DCTN5: variants seen among roughly 807,000 people sequenced by gnomAD.
The protein encoded by DCTN5 is dynactin 4.
In DCTN5, 14 loss-of-function variants were observed where a neutral mutation model predicts 23.5. The observed-to-expected ratio is 0.60, with a 90% CI of 0.39 to 0.93. The LOEUF is 0.93. Among genes scored for constraint, DCTN5 ranks in the 40% least tolerant of loss-of-function variants. The pLI, the probability that DCTN5 is intolerant of heterozygous loss-of-function variation, is 0.00. For synonymous variants in DCTN5, 67 were observed against 79.6 expected (o/e 0.84, Z 0.84); for missense variants, 156 against 225.9 (o/e 0.69, Z 1.98).
intron 4 of DCTN5, among the ~76,000 whole-genome samples, chr16:23,665,332 TA>T (rs1967885929): frequency 6.6e-6 from 1 of 152,136 alleles, no homozygotes; most frequent in East Asian, 1.9e-4. Context: ...AAATGTCCAC[TA>T]AATCAAAGGG....
rs1967990446 is a variant in DCTN5 at position 23,670,683 on chromosome 16, C to G, written c.*3539C>G. 6.6e-6 allele frequency: 1 copy of G among 152,210 alleles called. No homozygotes were observed. Among genetic ancestry groups the G allele is most frequent in the Non-Finnish European group, 1.5e-5 (1 of 68,050 alleles). 9.4% of individuals were successfully genotyped at this position (152,210 alleles called of 1,614,324 possible). On this transcript the variant is annotated 3_prime_UTR_variant, in exon 6 of 6. Transcript: ENST00000300087. ...TGAAATGATACTGGCAGTGTTGGGA[C>G]AGCGTGTCCGAAGGCCTGGTTTTTT... is the stretch of plus-strand genomic sequence containing the variant.
In DCTN5 at chr16:23,675,493, A is replaced by G. The variant is rs1968072170; in HGVS notation, c.*8349A>G. 3 of 81,526 alleles carry G rather than the reference A, an allele frequency of 3.7e-5. No individual in the cohort carries two copies. The highest frequency in any genetic ancestry group is 1.5e-4 in the Admixed American group (1 of 6,778). 5.1% of individuals were successfully genotyped at this position (81,526 alleles called of 1,614,324 possible). A position where few individuals can be genotyped will look rare whatever the true frequency, so the allele number is the denominator to read the frequency against. ...CTAGCCTGGGCAACAGAGCCAGACC[A>G]TATCTCAAAAAAAAAAAAAAAAAAG... On this transcript the variant is annotated 3_prime_UTR_variant, in exon 6 of 6. Coordinates refer to ENST00000300087, the MANE Select transcript of DCTN5 (RefSeq NM_032486.4).
intron 4 of DCTN5, among the ~76,000 whole-genome samples, chr16:23,662,887 T>C (rs1239705358): frequency 6.6e-6 from 1 of 152,252 alleles, no homozygotes; most frequent in African/African-American, 2.4e-5. Flanking sequence ...CTATTCCCAG[T>C]GCTTAGGAAA....
rs1388165498 is a variant in DCTN5 at position 23,670,429 on chromosome 16, G to A, written c.*3285G>A. On this transcript the variant is annotated 3_prime_UTR_variant, in exon 6 of 6. Transcript: ENST00000300087. ...CATTGTTCATAGTTAACATATCCTT[G>A]GAAGTTTCTCAGCTATAAGGAAGAG... The A allele has an allele frequency of 1.3e-5, 2 of 152,122 alleles. No individual in the cohort carries two copies. Among genetic ancestry groups the A allele is most frequent in the Admixed American group, 6.5e-5 (1 of 15,270 alleles). The allele number at this position is 152,122 out of a possible 1,614,324, so 9.4% of individuals were successfully genotyped here.
chr16:23,661,338 C>G, intron 4 of DCTN5, 57 bp downstream of exon 4: 1 of 1,249,310 alleles, frequency 8.0e-7, no homozygotes, highest in South Asian at 1.3e-5. Context: ...GCTCCCATCC[C>G]TCACTTCGGT....
intron 5 of DCTN5, chr16:23,666,699 T>G (rs1054260202): frequency 5.0e-6 from 2 of 402,194 alleles, no homozygotes; most frequent in East Asian, 8.6e-5. Flanking sequence ...GTTTTTCCAA[T>G]TAAAAAATAA....
chr16:23,656,637 T>C (rs1967708710), intron 2 of DCTN5, among the ~76,000 whole-genome samples: 1 of 152,034 alleles, frequency 6.6e-6, no homozygotes, highest in South Asian at 2.1e-4. Context: ...CAGATTAATT[T>C]ACTTTTATTA....
intron 2 of DCTN5, among the ~76,000 whole-genome samples, chr16:23,648,086 T>C (rs962528934): frequency 5.3e-5 from 8 of 152,130 alleles, no homozygotes; most frequent in Non-Finnish European, 1.0e-4. Context: ...CTAAATAATA[T>C]ATATTGTTTA....
chr16:23,668,538 A>C lies in DCTN5; in HGVS notation c.*1394A>C, dbSNP rs1967947675. The C allele has an allele frequency of 6.6e-6, 1 of 152,196 alleles. No homozygotes were observed. Among genetic ancestry groups the C allele is most frequent in the Non-Finnish European group, 1.5e-5 (1 of 68,038 alleles). 9.4% of individuals were successfully genotyped at this position (152,196 alleles called of 1,614,324 possible). ...GATGTCATCAGGCACCCAGGTTCCT[A>C]CTGTCTTGCCATGTGGCCACAGTTA... On this transcript the variant is annotated 3_prime_UTR_variant, in exon 6 of 6. Coordinates refer to ENST00000300087, the MANE Select transcript of DCTN5 (RefSeq NM_032486.4).
chr16:23,644,277 G>A (rs977166050), intron 2 of DCTN5, among the ~76,000 whole-genome samples: 7 of 147,066 alleles, frequency 4.8e-5, no homozygotes, highest in South Asian at 2.2e-4. Flanking sequence ...ACAGGCTCCC[G>A]CCATCATGCC....
intron 2 of DCTN5, chr16:23,650,772 T>C: frequency 6.5e-7 from 1 of 1,534,976 alleles, no homozygotes. Flanking sequence ...GTCATTTCTG[T>C]TTTCCTGAGC....
At chr16:23,650,043 G>T (rs1205287206) in intron 2 of DCTN5, among the ~76,000 whole-genome samples, 1 of 151,180 alleles carries the variant, frequency 6.6e-6, no homozygotes, top group African/African-American at 2.5e-5. Context: ...GTTCTATTCT[G>T]TTCCATTGGC....
rs1312596170 is a variant in DCTN5 at position 23,674,158 on chromosome 16, A to G, written c.*7014A>G. The stretch of plus-strand genomic sequence containing the variant: ...TCTGCCTTGAGCTGTTTTAGCCTCA[A>G]CACGAGCTATGCTGAACTGAAAGCA... On this transcript the variant is annotated 3_prime_UTR_variant, in exon 6 of 6. Transcript: ENST00000300087. 2 of 152,194 alleles carry G rather than the reference A, an allele frequency of 1.3e-5. No homozygotes were observed. The highest frequency in any genetic ancestry group is 4.8e-5 in the African/African-American group (2 of 41,438). 9.4% of individuals were successfully genotyped at this position (152,194 alleles called of 1,614,324 possible).
At position 23,665,720 on chromosome 16, in the gene DCTN5, G is replaced by A; in HGVS notation, c.443G>A (p.Gly148Asp). 6.2e-7 allele frequency: 1 copy of A among 1,613,188 alleles called. No individual in the cohort carries two copies. Among genetic ancestry groups the A allele is most frequent in the Non-Finnish European group, 8.5e-7 (1 of 1,179,570 alleles). Residue 148 changes from glycine to aspartate, a missense_variant, in exon 5 of 6, where the codon GGC (glycine) becomes GAC (aspartate). By Grantham distance (94) the Gly-to-Asp change is moderately conservative. Coordinates refer to ENST00000300087, the MANE Select transcript of DCTN5 (RefSeq NM_032486.4). ...GTTCCACCATTCACTGTCTTCTCAG[G>A]CTGCCCAGGTAACCTTGGCTGTTGA... is the stretch of plus-strand genomic sequence containing the variant. ...TVVPPFTVFS[G>D]CPGLFSGELP...
At chr16:23,665,920 T>C (rs1383019227) in intron 5 of DCTN5, 192 bp downstream of exon 5, 1 of 578,864 alleles carries the variant, frequency 1.7e-6, no homozygotes, top group Non-Finnish European at 3.0e-6. Flanking sequence ...CATAATTGGG[T>C]TCACCAGAAA....
chr16:23,648,295 A>AT (rs1450984110), intron 2 of DCTN5, among the ~76,000 whole-genome samples: 1 of 144,866 alleles, frequency 6.9e-6, no homozygotes, highest in Admixed American at 6.9e-5. Flanking sequence ...CAAGTAGCTT[A>AT]TGCTACGGGC....
In DCTN5 at chr16:23,672,499, G is replaced by A. The variant is rs980376120; in HGVS notation, c.*5355G>A. The A allele has an allele frequency of 6.6e-6, 1 of 152,210 alleles. No individual in the cohort carries two copies. The highest frequency in any genetic ancestry group is 6.5e-5 in the Admixed American group (1 of 15,278). 9.4% of individuals were successfully genotyped at this position (152,210 alleles called of 1,614,324 possible). A position where few individuals can be genotyped will look rare whatever the true frequency, so the allele number is the denominator to read the frequency against. On this transcript the variant is annotated 3_prime_UTR_variant, in exon 6 of 6. Coordinates refer to ENST00000300087, the MANE Select transcript of DCTN5 (RefSeq NM_032486.4). ...TTGAGTTTAACCGACAGATCATACT[G>A]TGTTTTGGTAGGGAGGGAGGGAGGA...
At chr16:23,647,915 C>A (rs1476591433) in intron 2 of DCTN5, among the ~76,000 whole-genome samples, 2 of 151,980 alleles carry the variant, frequency 1.3e-5, no homozygotes, top group Middle Eastern at 3.2e-3. Context: ...ACCAGTGAAC[C>A]CTATACCCAA....
chr16:23,655,286 C>T (rs964870313), intron 2 of DCTN5, among the ~76,000 whole-genome samples: 1 of 152,222 alleles, frequency 6.6e-6, no homozygotes, highest in African/African-American at 2.4e-5. Flanking sequence ...AATATTCTGA[C>T]ATTTTTGCTT....
Sources: allele counts gnomAD v4.1 joint callset (sites outside exome capture counted in the v4.1 genomes callset), GRCh38; gene constraint gnomAD v4.1.1; transcripts MANE v1.5; gene names NCBI Gene and HGNC (gene_info 2026-07-23, HGNC 2026-07-21).